Variants in PLXDC2 observed in about 807,000 individuals in gnomAD.
The protein encoded by PLXDC2 is plexin domain containing 2, also known as plexin domain-containing protein 2.
In PLXDC2, 40 loss-of-function variants were observed where a neutral mutation model predicts 68.9. The observed-to-expected ratio is 0.58, with a 90% CI of 0.45 to 0.76. The LOEUF is 0.76. PLXDC2 is among the 30% of genes least tolerant of loss of function. PLXDC2 has a pLI of 0.00. For synonymous variants in PLXDC2, 243 were observed against 234.2 expected, an observed-to-expected ratio of 1.04 and a Z score of -0.34; for missense variants, 644 against 661.9, an observed-to-expected ratio of 0.97 and a Z score of 0.30.
chr10:19,983,977 T>C (rs1167214042), intron 1 of PLXDC2, among the ~76,000 whole-genome samples: 1 of 152,188 alleles, frequency 6.6e-6, no homozygotes, highest in Non-Finnish European at 1.5e-5. Flanking sequence ...AGGCCCAAAC[T>C]ATAGGGTGAT....
intron 13 of PLXDC2, among the ~76,000 whole-genome samples, chr10:20,255,534 G>A (rs1588546367): frequency 2.0e-5 from 3 of 152,030 alleles, no homozygotes; most frequent in African/African-American, 7.2e-5. Context: ...AATAATTAGT[G>A]CTTCACAGTA....
intron 1 of PLXDC2, among the ~76,000 whole-genome samples, chr10:19,823,506 A>ACC (rs1361872054): frequency 6.6e-6 from 1 of 150,496 alleles, no homozygotes; most frequent in Non-Finnish European, 1.5e-5. Context: ...ACATGGTGAA[A>ACC]CCCCGTCTTC....
At chr10:19,951,622 A>G (rs1293569050) in intron 1 of PLXDC2, among the ~76,000 whole-genome samples, 1 of 152,232 alleles carries the variant, frequency 6.6e-6, no homozygotes, top group African/African-American at 2.4e-5. Flanking sequence ...CAGAACTATC[A>G]TTCTACCCAG....
intron 1 of PLXDC2, among the ~76,000 whole-genome samples, chr10:19,955,573 G>A (rs565187271): frequency 6.6e-6 from 1 of 152,126 alleles, no homozygotes; most frequent in African/African-American, 2.4e-5. Context: ...ATCTGTAAAT[G>A]TAATACAGCA....
intron 4 of PLXDC2, among the ~76,000 whole-genome samples, chr10:20,107,079 A>G (rs1833501401): frequency 3.4e-5 from 5 of 148,416 alleles, no homozygotes; most frequent in Admixed American, 2.7e-4. Context: ...TATATATAGT[A>G]TATATATACA....
intron 13 of PLXDC2, among the ~76,000 whole-genome samples, chr10:20,258,745 C>T (rs1466606767): frequency 2.0e-5 from 3 of 152,032 alleles, no homozygotes; most frequent in African/African-American, 4.8e-5. Flanking sequence ...CGGTGGCTCA[C>T]GCCTGTAATC....
intron 2 of PLXDC2, among the ~76,000 whole-genome samples, chr10:20,012,588 A>G (rs192891464): frequency 1.3e-4 from 20 of 151,876 alleles, no homozygotes; most frequent in Middle Eastern, 3.4e-3. Flanking sequence ...GGCCTCCCAA[A>G]GTGCTGGGAT....
At chr10:19,950,252 T>G (rs1034846533) in intron 1 of PLXDC2, among the ~76,000 whole-genome samples, 2 of 152,162 alleles carry the variant, frequency 1.3e-5, no homozygotes, top group South Asian at 4.1e-4. Context: ...ATGATTCTAT[T>G]CCTAGAAAAC....
Position 20,143,561 on chromosome 10 carries a change from T to C in PLXDC2, c.664+144T>C, listed in dbSNP as rs377650571. 5.5e-5 allele frequency: 54 copies of C among 974,720 alleles called. No homozygotes were observed. The African/African-American group carries it at 8.0e-4, about 14-fold the overall frequency. The allele number at this position is 974,720 out of a possible 1,614,324, so 60.4% of individuals were successfully genotyped here. On this transcript the variant is annotated intron_variant, in intron 5 of 13. Transcript: ENST00000377252. ...TGGTCTGAGAGGACAAATATTATACTGCTAAGATTTATAAAGTACACAAAT... is the reference window on the plus strand; with the variant it reads ...TGGTCTGAGAGGACAAATATTATACCGCTAAGATTTATAAAGTACACAAAT...
At chr10:20,018,374 A>G (rs1338072015) in intron 2 of PLXDC2, among the ~76,000 whole-genome samples, 1 of 152,158 alleles carries the variant, frequency 6.6e-6, no homozygotes, top group Non-Finnish European at 1.5e-5. Flanking sequence ...CTATTCTCCT[A>G]TACTTATTTT....
chr10:20,173,139 A>T (rs1317575849), intron 7 of PLXDC2, among the ~76,000 whole-genome samples: 1 of 152,190 alleles, frequency 6.6e-6, no homozygotes, highest in African/African-American at 2.4e-5. Context: ...TCTTGTGGTT[A>T]TACGATACAG....
intron 13 of PLXDC2, among the ~76,000 whole-genome samples, chr10:20,250,546 T>A (rs963271033): frequency 6.6e-6 from 1 of 152,174 alleles, no homozygotes; most frequent in Non-Finnish European, 1.5e-5. Context: ...AGCACGGGCC[T>A]TAAGTAAGTT....
intron 1 of PLXDC2, among the ~76,000 whole-genome samples, chr10:19,924,185 C>CA (rs745361215): frequency 5.5e-4 from 84 of 152,344 alleles, no homozygotes; most frequent in Non-Finnish European, 8.4e-4. Flanking sequence ...TGGGACCCCT[C>CA]ACGGGCTTAT....
intron 1 of PLXDC2, among the ~76,000 whole-genome samples, chr10:19,844,539 A>G (rs1433997302): frequency 6.6e-6 from 1 of 151,970 alleles, no homozygotes; most frequent in Non-Finnish European, 1.5e-5. Flanking sequence ...AGGTCCTATA[A>G]AAGGTCACTG....
At chr10:20,256,227 T>G (rs1047875145) in intron 13 of PLXDC2, among the ~76,000 whole-genome samples, 3 of 151,816 alleles carry the variant, frequency 2.0e-5, no homozygotes, top group Non-Finnish European at 2.9e-5. Flanking sequence ...CTGCCTCCTG[T>G]GTTCAAGCAA....
chr10:20,250,567 C>T (rs1229669382), intron 13 of PLXDC2, among the ~76,000 whole-genome samples: 6 of 152,166 alleles, frequency 3.9e-5, no homozygotes, highest in African/African-American at 7.2e-5. Flanking sequence ...CTCAACATCA[C>T]GCATTTGGTC....
intron 4 of PLXDC2, among the ~76,000 whole-genome samples, chr10:20,089,801 C>T (rs1011373543): frequency 6.6e-5 from 10 of 152,064 alleles, no homozygotes; most frequent in Non-Finnish European, 8.8e-5. Context: ...TAAAAGAGAG[C>T]CCAAGAGAGA....
At chr10:20,033,732 C>T (rs190655750) in intron 2 of PLXDC2, among the ~76,000 whole-genome samples, 7 of 152,248 alleles carry the variant, frequency 4.6e-5, no homozygotes, top group East Asian at 1.9e-4. Context: ...TTACCTCCCT[C>T]GAGTTCCTTC....
chr10:20,214,150 A>G (rs990187866), intron 10 of PLXDC2, among the ~76,000 whole-genome samples: 2 of 152,022 alleles, frequency 1.3e-5, no homozygotes, highest in African/African-American at 2.4e-5. Flanking sequence ...TCATTTCTCA[A>G]TTTTATCTTT....
Sources: allele counts gnomAD v4.1 joint callset (sites outside exome capture counted in the v4.1 genomes callset), GRCh38; gene constraint gnomAD v4.1.1; transcripts MANE v1.5; gene names NCBI Gene and HGNC (gene_info 2026-07-23, HGNC 2026-07-21).